SNX27: variants seen among roughly 807,000 people sequenced by gnomAD.
SNX27 encodes the protein sorting nexin-27.
In SNX27, 22 loss-of-function variants were observed where a neutral mutation model predicts 71.6. That is an observed-to-expected ratio of 0.31 (90% CI 0.22 to 0.44). The LOEUF (loss-of-function observed/expected upper bound fraction) is 0.44. Ranked by LOEUF, SNX27 falls within the 20% of genes least tolerant of loss-of-function variation. SNX27 has a pLI of 1.00. For missense variants in SNX27, 531 were observed against 698.6 expected, an observed-to-expected ratio of 0.76 and a Z score of 2.70; for synonymous variants, 269 against 277.2, an observed-to-expected ratio of 0.97 and a Z score of 0.29.
Position 151,698,826 on chromosome 1 carries a change from G to A in SNX27, c.*4409G>A, listed in dbSNP as rs1052101119. ...ACCCCCTTTTAAGCCAGTGAGCTGG[G>A]CTTCAGTTTTTCCCAGGCCATGCAC... On this transcript the variant is annotated 3_prime_UTR_variant, in exon 12 of 12. Coordinates refer to ENST00000458013, the MANE Select transcript of SNX27 (RefSeq NM_001330723.2). The A allele has an allele frequency of 6.6e-6, 1 of 152,602 alleles. No homozygotes were observed. The highest frequency in any genetic ancestry group is 2.4e-5 in the African/African-American group (1 of 41,430). 9.5% of individuals were successfully genotyped at this position (152,602 alleles called of 1,614,324 possible).
At chr1:151,614,485 AG>A (rs1409329928) in intron 1 of SNX27, 1 of 152,136 alleles carries the variant, frequency 6.6e-6, no homozygotes, top group Non-Finnish European at 1.5e-5. Context: ...CATCATGACC[AG>A]CTAATTTTGT....
intron 7 of SNX27, among the ~76,000 whole-genome samples, chr1:151,672,434 G>C (rs1322842735): frequency 6.6e-6 from 1 of 152,042 alleles, no homozygotes; most frequent in Non-Finnish European, 1.5e-5. Flanking sequence ...TATTCATCAG[G>C]GATATTGGTC....
At chr1:151,648,565 A>G (rs530263530) in intron 2 of SNX27, among the ~76,000 whole-genome samples, 165 of 152,050 alleles carry the variant, frequency 1.1e-3, no homozygotes, top group Non-Finnish European at 2.0e-3. Context: ...GATTACAGGC[A>G]TGAACCACCA....
At chr1:151,664,556 T>G (rs1410740988) in intron 5 of SNX27, among the ~76,000 whole-genome samples, 1 of 152,154 alleles carries the variant, frequency 6.6e-6, no homozygotes, top group Non-Finnish European at 1.5e-5. Context: ...GTGTAATCAT[T>G]GCCTGTGTAT....
intron 1 of SNX27, among the ~76,000 whole-genome samples, chr1:151,630,401 GATA>G (rs1456530005): frequency 3.9e-5 from 6 of 152,090 alleles, no homozygotes; most frequent in African/African-American, 1.2e-4. Flanking sequence ...AAATAATTAA[GATA>G]ATAATTTTTT....
intron 1 of SNX27, among the ~76,000 whole-genome samples, chr1:151,635,262 A>G (rs1668415330): frequency 6.6e-6 from 1 of 152,192 alleles, no homozygotes. Flanking sequence ...TTTAATTTTC[A>G]CAACAACTCC....
At chr1:151,623,204 C>T (rs891745789) in intron 1 of SNX27, among the ~76,000 whole-genome samples, 3 of 151,848 alleles carry the variant, frequency 2.0e-5, no homozygotes, top group Non-Finnish European at 4.4e-5. Context: ...TGCAGTGGCA[C>T]GATTTTGGCT....
At chr1:151,621,169 A>G (rs1356869616) in intron 1 of SNX27, among the ~76,000 whole-genome samples, 1 of 152,200 alleles carries the variant, frequency 6.6e-6, no homozygotes, top group East Asian at 1.9e-4. Context: ...GGTGATCACA[A>G]AGTGAATTGT....
chr1:151,647,992 TAA>T (rs923467531), intron 2 of SNX27, among the ~76,000 whole-genome samples: 2 of 146,710 alleles, frequency 1.4e-5, no homozygotes, highest in South Asian at 4.2e-4. Context: ...TTTAAGAAGT[TAA>T]AAAAAAAAAC....
intron 8 of SNX27, among the ~76,000 whole-genome samples, chr1:151,690,279 T>C (rs1338034061): frequency 6.6e-6 from 1 of 152,216 alleles, no homozygotes; most frequent in Non-Finnish European, 1.5e-5. Context: ...CATGCTTTTT[T>C]CCCCTCAGGA....
At chr1:151,613,001 C>T (rs148412761) in intron 1 of SNX27, among the ~76,000 whole-genome samples, 1 of 151,952 alleles carries the variant, frequency 6.6e-6, no homozygotes, top group Non-Finnish European at 1.5e-5. Flanking sequence ...CCCTTCTGCC[C>T]TCCAGACCAA....
At chr1:151,684,056 AT>A (rs1041001954) in intron 8 of SNX27, among the ~76,000 whole-genome samples, 5 of 152,228 alleles carry the variant, frequency 3.3e-5, no homozygotes, top group African/African-American at 1.2e-4. Flanking sequence ...TATAGATAAG[AT>A]TGTATAAGAC....
intron 8 of SNX27, among the ~76,000 whole-genome samples, chr1:151,691,766 G>A (rs1158361600): frequency 1.3e-5 from 2 of 151,926 alleles, no homozygotes; most frequent in East Asian, 3.9e-4. Context: ...CACCCGCCTC[G>A]GCCTCTCAAA....
intron 1 of SNX27, among the ~76,000 whole-genome samples, chr1:151,626,591 A>T (rs939277075): frequency 6.6e-6 from 1 of 152,148 alleles, no homozygotes; most frequent in Admixed American, 6.5e-5. Flanking sequence ...AGTCCCAGCT[A>T]CTTGGGAGGC....
intron 7 of SNX27, chr1:151,677,376 T>TAGCA (rs1224673539): frequency 6.6e-6 from 1 of 152,188 alleles, no homozygotes; most frequent in Non-Finnish European, 1.5e-5. Flanking sequence ...TTATTGCTAT[T>TAGCA]ATGAATGGAA....
intron 2 of SNX27, among the ~76,000 whole-genome samples, chr1:151,652,796 T>A (rs1451932009): frequency 6.6e-6 from 1 of 152,212 alleles, no homozygotes; most frequent in African/African-American, 2.4e-5. Context: ...CATACATGTT[T>A]TCTGCCTTTT....
intron 9 of SNX27, 105 bp from the exon 10 acceptor site, chr1:151,692,806 C>T: frequency 6.7e-7 from 1 of 1,487,366 alleles, no homozygotes; most frequent in Non-Finnish European, 9.2e-7. Flanking sequence ...GCGATGCAGA[C>T]ATCCATTCAT....
At chr1:151,656,671 A>G (rs1669706632) in intron 2 of SNX27, among the ~76,000 whole-genome samples, 2 of 152,222 alleles carry the variant, frequency 1.3e-5, no homozygotes, top group South Asian at 4.1e-4. Context: ...ACAAATGTCA[A>G]TGGCAGCATT....
intron 1 of SNX27, among the ~76,000 whole-genome samples, chr1:151,624,035 C>T (rs1417888577): frequency 6.6e-6 from 1 of 152,134 alleles, no homozygotes; most frequent in East Asian, 1.9e-4. Context: ...AATCATAACT[C>T]ACTGCAGCTA....
Sources: allele counts gnomAD v4.1 joint callset (sites outside exome capture counted in the v4.1 genomes callset), GRCh38; gene constraint gnomAD v4.1.1; transcripts MANE v1.5; gene names NCBI Gene and HGNC (gene_info 2026-07-23, HGNC 2026-07-21).